The following AK5 variants were observed in gnomAD, a reference collection of about 807,000 sequenced individuals.
The protein encoded by AK5 is adenylate kinase isoenzyme 5.
Under a neutral mutation model 69.5 loss-of-function variants are expected in AK5, and 27 were observed. The observed-to-expected ratio is 0.39, with a 90% CI of 0.29 to 0.54. The LOEUF (loss-of-function observed/expected upper bound fraction) is 0.54. AK5 is among the 20% of genes least tolerant of loss of function. The pLI is 0.71. For synonymous variants in AK5, 260 were observed against 244.4 expected (o/e 1.06, Z -0.60); for missense variants, 531 against 700.4 (o/e 0.76, Z 2.73).
intron 6 of AK5, among the ~76,000 whole-genome samples, chr1:77,398,776 A>T (rs1038607422): frequency 2.0e-5 from 3 of 152,206 alleles, no homozygotes; most frequent in Non-Finnish European, 4.4e-5. Flanking sequence ...CAGAAAAGCC[A>T]ATATGATTTA....
intron 10 of AK5, among the ~76,000 whole-genome samples, chr1:77,512,631 A>G (rs561260208): frequency 6.6e-6 from 1 of 152,270 alleles, no homozygotes; most frequent in South Asian, 2.1e-4. Context: ...CTAGAACTAG[A>G]AATACCATTT....
intron 13 of AK5, among the ~76,000 whole-genome samples, chr1:77,547,792 T>C: frequency 6.6e-6 from 1 of 152,188 alleles, no homozygotes; most frequent in Admixed American, 6.5e-5. Flanking sequence ...AAATGCCAGG[T>C]TTAAATTTTA....
At chr1:77,328,701 A>G (rs1182374648) in intron 5 of AK5, among the ~76,000 whole-genome samples, 2 of 152,216 alleles carry the variant, frequency 1.3e-5, no homozygotes, top group East Asian at 1.9e-4. Context: ...GATATGATTA[A>G]TTAGGCTTCT....
intron 5 of AK5, among the ~76,000 whole-genome samples, chr1:77,308,986 C>G (rs1232170637): frequency 6.6e-6 from 1 of 151,184 alleles, no homozygotes; most frequent in South Asian, 2.1e-4. Context: ...AAAAGACAAC[C>G]GAGCACCACA....
chr1:77,545,287 C>T (rs1659482819), intron 13 of AK5, among the ~76,000 whole-genome samples: 1 of 152,034 alleles, frequency 6.6e-6, no homozygotes, highest in Non-Finnish European at 1.5e-5. Context: ...CATTCTTTCT[C>T]TCTGAAATCA....
intron 13 of AK5, among the ~76,000 whole-genome samples, chr1:77,542,870 A>G (rs1659349992): frequency 6.6e-6 from 1 of 152,256 alleles, no homozygotes; most frequent in South Asian, 2.1e-4. Context: ...GCCTGGTAAC[A>G]GATTATTTCT....
intron 5 of AK5, among the ~76,000 whole-genome samples, chr1:77,334,570 C>A (rs1661252869): frequency 6.6e-6 from 1 of 152,044 alleles, no homozygotes; most frequent in Non-Finnish European, 1.5e-5. Flanking sequence ...GCCTTCTAAC[C>A]ATGTCTCAGG....
chr1:77,402,988 C>G (rs1439701093), intron 6 of AK5, among the ~76,000 whole-genome samples: 2 of 152,054 alleles, frequency 1.3e-5, no homozygotes, highest in African/African-American at 4.8e-5. Context: ...GATTGCCATT[C>G]TAACTGGTGT....
At chr1:77,297,475 G>A (rs1018374183) in intron 3 of AK5, 84 bp from the exon 4 acceptor site, 1 of 1,297,746 alleles carries the variant, frequency 7.7e-7, no homozygotes, top group Non-Finnish European at 1.1e-6. Flanking sequence ...CACAGAATTT[G>A]CATCCCAGAT....
intron 10 of AK5, among the ~76,000 whole-genome samples, chr1:77,489,861 C>G (rs1213506349): frequency 6.6e-6 from 1 of 152,170 alleles, no homozygotes; most frequent in East Asian, 1.9e-4. Context: ...TTGGCTCCAG[C>G]CACACCTGCA....
chr1:77,419,338 G>T (rs1408936893), intron 8 of AK5, among the ~76,000 whole-genome samples: 1 of 151,978 alleles, frequency 6.6e-6, no homozygotes, highest in Non-Finnish European at 1.5e-5. Context: ...ACTGCACAAA[G>T]AAATGATTCA....
intron 13 of AK5, among the ~76,000 whole-genome samples, chr1:77,542,962 A>G (rs967688192): frequency 9.7e-5 from 14 of 144,532 alleles, no homozygotes; most frequent in Non-Finnish European, 1.7e-4. Flanking sequence ...AGTTTTGCAG[A>G]CAGACAATCA....
intron 13 of AK5, among the ~76,000 whole-genome samples, chr1:77,551,333 C>G (rs1454591103): frequency 6.6e-6 from 1 of 152,132 alleles, no homozygotes; most frequent in Non-Finnish European, 1.5e-5. Context: ...CAGATAACTT[C>G]ACAGAGTTTT....
At chr1:77,288,038 A>G (rs983845926) in intron 2 of AK5, among the ~76,000 whole-genome samples, 3 of 152,246 alleles carry the variant, frequency 2.0e-5, no homozygotes, top group Non-Finnish European at 4.4e-5. Flanking sequence ...TAATTCAATA[A>G]AAGTGTATTA....
At chr1:77,449,876 G>GGAT (rs1313818295) in intron 8 of AK5, among the ~76,000 whole-genome samples, 1 of 152,042 alleles carries the variant, frequency 6.6e-6, no homozygotes, top group Non-Finnish European at 1.5e-5. Context: ...TTAGAAAATG[G>GGAT]GATTTTCTTT....
chr1:77,302,229 C>CT (rs1570342011), intron 5 of AK5, among the ~76,000 whole-genome samples: 3 of 151,678 alleles, frequency 2.0e-5, no homozygotes, highest in Admixed American at 1.3e-4. Context: ...AAAAAAATGC[C>CT]TTTTTTTGGC....
At chr1:77,351,672 T>TCCTAAA (rs1339734372) in intron 6 of AK5, among the ~76,000 whole-genome samples, 1 of 152,114 alleles carries the variant, frequency 6.6e-6, no homozygotes, top group Non-Finnish European at 1.5e-5. Flanking sequence ...GCAAAAGCTT[T>TCCTAAA]CCCATAAACC....
rs1407907464 is a variant in AK5 at position 77,559,370 on chromosome 1, TAA to T, written c.*701_*702del. On this transcript the variant is annotated 3_prime_UTR_variant, in exon 14 of 14. Transcript: ENST00000354567. ...AAACTTGGAATACTGTCGTCATGGC[TAA>T]GAGAACAAATCTGATAAATTGTGTA... is the stretch of plus-strand genomic sequence containing the variant. 6.6e-5 allele frequency: 10 copies of T among 152,202 alleles called. No individual in the cohort carries two copies. The highest frequency in any genetic ancestry group is 1.2e-4 in the Non-Finnish European group (8 of 68,034). 9.4% of individuals were successfully genotyped at this position (152,202 alleles called of 1,614,324 possible).
intron 7 of AK5, among the ~76,000 whole-genome samples, chr1:77,411,877 T>TACAA (rs1650069792): frequency 6.6e-6 from 1 of 152,232 alleles, no homozygotes; most frequent in East Asian, 1.9e-4. Flanking sequence ...GTAGTCTTTC[T>TACAA]GGGCAGACCC....
Sources: allele counts gnomAD v4.1 joint callset (sites outside exome capture counted in the v4.1 genomes callset), GRCh38; gene constraint gnomAD v4.1.1; transcripts MANE v1.5; gene names NCBI Gene and HGNC (gene_info 2026-07-23, HGNC 2026-07-21).